ARSG: variants seen among roughly 807,000 people sequenced by gnomAD.
ARSG encodes ASG.
ARSG carries 37 observed loss-of-function variants against 50.5 expected under a neutral mutation model. The ratio of observed to expected loss-of-function variants is 0.73; its 90% CI spans 0.56 to 0.96. ARSG has a LOEUF of 0.96. ARSG is among the 50% of genes least tolerant of loss of function. The probability of loss-of-function intolerance (pLI) is 0.00; values close to 1 mark genes in which losing one functional copy is unlikely to be tolerated. For missense variants in ARSG, 629 were observed against 675.3 expected, an observed-to-expected ratio of 0.93 and a Z score of 0.76; for synonymous variants, 225 against 254.6, an observed-to-expected ratio of 0.88 and a Z score of 1.11.
the ARSG span, among the ~76,000 whole-genome samples, chr17:68,437,848 GA>G: frequency 6.7e-6 from 1 of 148,848 alleles, no homozygotes; most frequent in Non-Finnish European, 1.5e-5. Flanking sequence ...CAATGGTTTA[GA>G]TGAATAGAGG....
Position 68,343,595 on chromosome 17 carries a change from T to G in ARSG, c.219-9T>G. On this transcript the variant is annotated splice_polypyrimidine_tract_variant and intron_variant, in intron 2 of 11. Coordinates refer to ENST00000621439, the MANE Select transcript of ARSG (RefSeq NM_001267727.2). Reference sequence around the variant, plus strand: ...TGGTGCGGTCCTGACCACTGTCCTTTCCCTGCAGGTTTGTGGATTTCCATG... The same window carrying G: ...TGGTGCGGTCCTGACCACTGTCCTTGCCCTGCAGGTTTGTGGATTTCCATG... The G allele has an allele frequency of 6.2e-7, 1 of 1,600,688 alleles. No individual in the cohort carries two copies. Among genetic ancestry groups the G allele is most frequent in the South Asian group, 1.1e-5 (1 of 89,360 alleles).
chr17:68,392,809 A>G (rs1036156792), intron 9 of ARSG, among the ~76,000 whole-genome samples: 6 of 152,138 alleles, frequency 3.9e-5, no homozygotes, highest in Non-Finnish European at 7.4e-5. Flanking sequence ...CGCATTCACT[A>G]CTTTGTAATG....
At chr17:68,330,664 A>G (rs1250811010) in intron 2 of ARSG, among the ~76,000 whole-genome samples, 3 of 152,124 alleles carry the variant, frequency 2.0e-5, no homozygotes, top group African/African-American at 7.2e-5. Flanking sequence ...GAAAGCCCAG[A>G]TAAACTTGCA....
At chr17:68,348,366 A>G (rs957778868) in intron 4 of ARSG, among the ~76,000 whole-genome samples, 2 of 152,162 alleles carry the variant, frequency 1.3e-5, no homozygotes, top group African/African-American at 2.4e-5. Flanking sequence ...ACCAGCTCCT[A>G]TGCAGCAGGA....
chr17:68,352,141 AG>A (rs1365525891), intron 5 of ARSG, among the ~76,000 whole-genome samples: 4 of 61,240 alleles, frequency 6.5e-5, no homozygotes, highest in African/African-American at 1.4e-4. Context: ...AGAGAGACAG[AG>A]GAGAGAGAGA....
At chr17:68,300,978 C>T (rs1393004334) in intron 1 of ARSG, among the ~76,000 whole-genome samples, 2 of 151,754 alleles carry the variant, frequency 1.3e-5, no homozygotes, top group South Asian at 2.1e-4. Flanking sequence ...ATTAGCCGGG[C>T]GTGGTGGCGG....
chr17:68,343,703 T>G lies in ARSG; in HGVS notation c.318T>G (p.Phe106Leu), dbSNP rs2078377345. The G allele has an allele frequency of 5.0e-6, 8 of 1,614,094 alleles. No homozygotes were observed. Among genetic ancestry groups the G allele is most frequent in the African/African-American group, 4.0e-5 (3 of 74,934 alleles). The change falls in exon 3 of 12, where the codon TTT (phenylalanine) becomes TTG (leucine). Residue 106 changes from phenylalanine (F) to leucine (L), a missense_variant. By Grantham distance (22) the Phe-to-Leu change is conservative. Transcript: ENST00000621439. ...LGLRNGVTRN[F>L]AVTSVGGLPL... ...TTCGCAATGGAGTCACACGCAACTT[T>G]GCAGTCACTTCTGTGGGAGGCCTTC...
the ARSG span, chr17:68,433,337 C>T: frequency 5.3e-5 from 46 of 875,980 alleles, no homozygotes; most frequent in South Asian, 6.7e-4. Flanking sequence ...CACACTCCAT[C>T]ACTTAGGTGA....
intron 1 of ARSG, among the ~76,000 whole-genome samples, chr17:68,286,097 G>A (rs1555754277): frequency 2.0e-5 from 3 of 152,118 alleles, no homozygotes; most frequent in African/African-American, 7.2e-5. Context: ...CTCACCATGT[G>A]GACCGGGCTG....
At chr17:68,350,565 C>A (rs2078710429) in intron 4 of ARSG, among the ~76,000 whole-genome samples, 1 of 151,918 alleles carries the variant, frequency 6.6e-6, no homozygotes, top group South Asian at 2.1e-4. Context: ...GTGGGTGTAT[C>A]ACGAGGTCAG....
At chr17:68,283,522 GAAA>G in intron 1 of ARSG, among the ~76,000 whole-genome samples, 1 of 112,200 alleles carries the variant, frequency 8.9e-6, no homozygotes, top group African/African-American at 3.4e-5. Context: ...CTCCGTATCA[GAAA>G]AAAAAAAAAA....
At chr17:68,370,975 T>C (rs1378468904) in intron 8 of ARSG, among the ~76,000 whole-genome samples, 1 of 65,136 alleles carries the variant, frequency 1.5e-5, no homozygotes, top group Non-Finnish European at 4.7e-5. Flanking sequence ...TTGTCTCCAG[T>C]TCTTACAAGA....
intron 1 of ARSG, among the ~76,000 whole-genome samples, chr17:68,276,006 C>A (rs2075504963): frequency 6.7e-6 from 1 of 150,192 alleles, no homozygotes; most frequent in African/African-American, 2.4e-5. Context: ...ATTAAGTTAT[C>A]TTGATACTCA....
At chr17:68,279,712 T>C (rs1319422103) in intron 1 of ARSG, among the ~76,000 whole-genome samples, 1 of 152,284 alleles carries the variant, frequency 6.6e-6, no homozygotes, top group Non-Finnish European at 1.5e-5. Flanking sequence ...TGGTTTAACT[T>C]AAGTCTTCTG....
chr17:68,400,377 A>G (rs548653440), intron 10 of ARSG: 1 of 152,272 alleles, frequency 6.6e-6, no homozygotes, highest in East Asian at 1.9e-4. Flanking sequence ...AGTCGGATTG[A>G]GTCATAGCTG....
At chr17:68,364,541 G>A (rs2079450659) in intron 6 of ARSG, among the ~76,000 whole-genome samples, 1 of 152,024 alleles carries the variant, frequency 6.6e-6, no homozygotes, top group South Asian at 2.1e-4. Context: ...TGTATTTTTA[G>A]TAGAGACAGG....
chr17:68,368,303 T>A (rs9891055), intron 6 of ARSG, among the ~76,000 whole-genome samples: 1 of 151,826 alleles, frequency 6.6e-6, no homozygotes, highest in Non-Finnish European at 1.5e-5. Flanking sequence ...GACAATGTGA[T>A]TCCCATATAA....
At chr17:68,331,285 C>T (rs1045473663) in intron 2 of ARSG, among the ~76,000 whole-genome samples, 2 of 147,186 alleles carry the variant, frequency 1.4e-5, no homozygotes, top group Admixed American at 1.4e-4. Flanking sequence ...GAGTCTTGCT[C>T]TGTCACCCAG....
chr17:68,269,798 C>T lies in ARSG; in HGVS notation c.-552+10372C>T, dbSNP rs371346346. Among the ~76,000 whole-genome samples the T allele has an allele frequency of 2.9e-4, 44 of 151,212 alleles. 3 individuals are homozygous for T. In the South Asian group the frequency reaches 8.2e-3, roughly 28 times the overall value. ...AAGCGATTCTCCTGCCTCAGCCTCCCGAATAGCTGGGATTAGAGGTGTCTG... is the reference window on the plus strand; with the variant it reads ...AAGCGATTCTCCTGCCTCAGCCTCCTGAATAGCTGGGATTAGAGGTGTCTG... On this transcript the variant is annotated intron_variant, in intron 1 of 11. Transcript: ENST00000448504.
Sources: gnomAD v4.1 joint callset for allele counts (sites outside exome capture counted in the v4.1 genomes callset) on GRCh38, gnomAD v4.1.1 for gene constraint, MANE v1.5 for transcripts, NCBI Gene and HGNC (gene_info 2026-07-23, HGNC 2026-07-21) for gene names.